Variants in CCSER1 observed in about 807,000 individuals in gnomAD.
CCSER1 encodes serine-rich coiled-coil domain-containing protein 1.
Under a neutral mutation model 82.0 loss-of-function variants are expected in CCSER1, and 41 were observed. The ratio of observed to expected loss-of-function variants is 0.50; its 90% CI spans 0.39 to 0.65. The LOEUF (loss-of-function observed/expected upper bound fraction) is 0.65, where lower values mean the gene tolerates loss of function less well. Among genes scored for constraint, CCSER1 ranks in the 30% least tolerant of loss-of-function variants. The probability of loss-of-function intolerance (pLI) is 0.00; values close to 1 mark genes in which losing one functional copy is unlikely to be tolerated. For missense variants in CCSER1, 1,119 were observed against 1,064.2 expected, an observed-to-expected ratio of 1.05 and a Z score of -0.72; for synonymous variants, 414 against 383.9, an observed-to-expected ratio of 1.08 and a Z score of -0.92.
At chr4:91,122,402 T>C (rs1002989251) in intron 10 of CCSER1, among the ~76,000 whole-genome samples, 1 of 151,802 alleles carries the variant, frequency 6.6e-6, no homozygotes, top group African/African-American at 2.4e-5. Flanking sequence ...GTATAACATG[T>C]TTCAGCAACT....
intron 1 of CCSER1, among the ~76,000 whole-genome samples, chr4:90,192,581 C>T (rs1305698943): frequency 6.6e-6 from 1 of 151,932 alleles, no homozygotes; most frequent in Non-Finnish European, 1.5e-5. Context: ...AGACTATTTT[C>T]TTATATGACA....
At chr4:90,482,814 G>A (rs560359123) in intron 5 of CCSER1, among the ~76,000 whole-genome samples, 58 of 152,274 alleles carry the variant, frequency 3.8e-4, no homozygotes, top group African/African-American at 1.3e-3. Flanking sequence ...TTTTGGAACA[G>A]GTGTGGTGTG....
intron 10 of CCSER1, among the ~76,000 whole-genome samples, chr4:91,374,923 T>C (rs1025532919): frequency 6.6e-6 from 1 of 152,100 alleles, no homozygotes; most frequent in African/African-American, 2.4e-5. Context: ...TTGAACCCAG[T>C]AGGCTGAGGT....
intron 7 of CCSER1, among the ~76,000 whole-genome samples, chr4:90,753,152 A>G (rs965737444): frequency 2.6e-5 from 4 of 152,164 alleles, no homozygotes; most frequent in African/African-American, 9.6e-5. Context: ...CAGTAAATTT[A>G]TAGAGAAATT....
chr4:91,361,325 A>T (rs1749227833), intron 10 of CCSER1, among the ~76,000 whole-genome samples: 1 of 151,822 alleles, frequency 6.6e-6, no homozygotes, highest in South Asian at 2.1e-4. Flanking sequence ...TAGGAAGAAA[A>T]TACCAACAGC....
intron 5 of CCSER1, among the ~76,000 whole-genome samples, chr4:90,529,679 G>A (rs532339332): frequency 6.6e-6 from 1 of 151,886 alleles, no homozygotes; most frequent in South Asian, 2.1e-4. Context: ...TGCTTTTTTT[G>A]GCCATTAGCT....
chr4:90,912,203 G>A (rs754938542), intron 8 of CCSER1, among the ~76,000 whole-genome samples: 4 of 152,200 alleles, frequency 2.6e-5, no homozygotes, highest in African/African-American at 4.8e-5. Context: ...CCTGACCTGC[G>A]AGTAGCCTAA....
chr4:90,537,664 G>A (rs1482424507), intron 5 of CCSER1, among the ~76,000 whole-genome samples: 1 of 152,088 alleles, frequency 6.6e-6, no homozygotes, highest in African/African-American at 2.4e-5. Flanking sequence ...GTGGAATTTA[G>A]CTTCCTACTT....
chr4:90,703,830 A>T (rs1164865986), intron 6 of CCSER1, among the ~76,000 whole-genome samples: 1 of 152,044 alleles, frequency 6.6e-6, no homozygotes, highest in Non-Finnish European at 1.5e-5. Flanking sequence ...TGCTTGGTAG[A>T]TATTCCTCCA....
chr4:90,970,920 A>G (rs1008176247), intron 9 of CCSER1, among the ~76,000 whole-genome samples: 6 of 151,974 alleles, frequency 3.9e-5, no homozygotes, highest in African/African-American at 1.5e-4. Context: ...AGTGAAAAAA[A>G]ATTACTAAAA....
At chr4:90,399,651 T>C (rs1434512251) in intron 3 of CCSER1, among the ~76,000 whole-genome samples, 22 of 152,136 alleles carry the variant, frequency 1.4e-4, no homozygotes, top group Admixed American at 1.4e-3. Flanking sequence ...AGCAAATTCC[T>C]TTTTAATATC....
chr4:91,443,488 C>A (rs1755338248), intron 10 of CCSER1, among the ~76,000 whole-genome samples: 1 of 120,348 alleles, frequency 8.3e-6, no homozygotes, highest in African/African-American at 3.3e-5. Flanking sequence ...GGGAACATCA[C>A]ACTCTGGGGA....
chr4:90,480,990 T>C (rs1208857698), intron 5 of CCSER1, among the ~76,000 whole-genome samples: 1 of 152,232 alleles, frequency 6.6e-6, no homozygotes, highest in Non-Finnish European at 1.5e-5. Flanking sequence ...TTTCACGATA[T>C]TGATTCTTCC....
chr4:90,998,818 T>C (rs1222567322), intron 9 of CCSER1, among the ~76,000 whole-genome samples: 1 of 152,034 alleles, frequency 6.6e-6, no homozygotes. Flanking sequence ...GGGGTATGAA[T>C]GATCCCATCA....
intron 6 of CCSER1, among the ~76,000 whole-genome samples, chr4:90,644,515 T>C (rs567609025): frequency 6.9e-4 from 105 of 152,036 alleles, no homozygotes; most frequent in African/African-American, 2.4e-3. Flanking sequence ...AACATTCAGG[T>C]TTGTTACATA....
At chr4:90,382,732 G>T (rs1358400242) in intron 3 of CCSER1, among the ~76,000 whole-genome samples, 1 of 152,068 alleles carries the variant, frequency 6.6e-6, no homozygotes, top group African/African-American at 2.4e-5. Context: ...AAATGATTCA[G>T]TAAGTGTAAT....
intron 6 of CCSER1, among the ~76,000 whole-genome samples, chr4:90,672,552 T>C (rs1732991203): frequency 6.6e-6 from 1 of 152,066 alleles, no homozygotes; most frequent in South Asian, 2.1e-4. Flanking sequence ...GCAATAAGGC[T>C]GTTTCACTTT....
In CCSER1 at chr4:90,278,992, G is replaced by A. The variant is rs567562412; in HGVS notation, c.-41-29252G>A. On this transcript the variant is annotated intron_variant, in intron 1 of 10. Coordinates refer to ENST00000509176, the MANE Select transcript of CCSER1 (RefSeq NM_001145065.2). ...TATACCTGGGAAAGTCCAGGTTATG[G>A]TGGAAAATACATAGCATATAAGCTG... Among the ~76,000 whole-genome samples, 11 of 152,144 alleles carry A rather than the reference G, an allele frequency of 7.2e-5. 1 individual carries two copies. In the South Asian group the frequency reaches 2.3e-3, roughly 32 times the overall value.
At chr4:91,458,373 T>A (rs1208590297) in intron 10 of CCSER1, among the ~76,000 whole-genome samples, 2 of 152,178 alleles carry the variant, frequency 1.3e-5, no homozygotes, top group Non-Finnish European at 2.9e-5. Flanking sequence ...CTTCCATTGG[T>A]CTATGTGTCT....
Sources: gnomAD v4.1 joint callset for allele counts (sites outside exome capture counted in the v4.1 genomes callset) on GRCh38, gnomAD v4.1.1 for gene constraint, MANE v1.5 for transcripts, NCBI Gene and HGNC (gene_info 2026-07-23, HGNC 2026-07-21) for gene names.